FGF12: variants seen among roughly 807,000 people sequenced by gnomAD.
FGF12 encodes fibroblast growth factor 12.
In FGF12, 14 loss-of-function variants were observed where a neutral mutation model predicts 23.6. The ratio of observed to expected loss-of-function variants is 0.59; its 90% CI spans 0.39 to 0.93. The LOEUF (loss-of-function observed/expected upper bound fraction) is 0.93, where lower values mean the gene tolerates loss of function less well. FGF12 is among the 40% of genes least tolerant of loss of function. The pLI is 0.00. For missense variants in FGF12, 175 were observed against 217.8 expected (o/e 0.80, Z 1.24); for synonymous variants, 62 against 77.3 (o/e 0.80, Z 1.04).
chr3:192,641,496 C>T (rs1477559125), intron 2 of FGF12, among the ~76,000 whole-genome samples: 2 of 151,086 alleles, frequency 1.3e-5, no homozygotes, highest in East Asian at 1.9e-4. Context: ...CCTCTGTCTC[C>T]CGGGTTCCAG....
chr3:192,599,126 G>T (rs1713990738), intron 2 of FGF12, among the ~76,000 whole-genome samples: 1 of 152,010 alleles, frequency 6.6e-6, no homozygotes, highest in African/African-American at 2.4e-5. Flanking sequence ...GGGGGACTAG[G>T]AGATGGATAG....
intron 4 of FGF12, among the ~76,000 whole-genome samples, chr3:192,195,144 ACT>A (rs1295879895): frequency 6.6e-6 from 1 of 152,156 alleles, no homozygotes; most frequent in African/African-American, 2.4e-5. Flanking sequence ...GGCATCGTGA[ACT>A]CTCATTTTGA....
At chr3:192,596,142 T>TAATATAATATAATATAATATAAC in intron 2 of FGF12, among the ~76,000 whole-genome samples, 2 of 128,648 alleles carry the variant, frequency 1.6e-5, no homozygotes, top group Non-Finnish European at 3.5e-5. Flanking sequence ...TATAATATAA[T>TAATATAATATAATATAATATAAC]ATACTCTTAA....
intron 4 of FGF12, among the ~76,000 whole-genome samples, chr3:192,305,867 T>G (rs889614920): frequency 7.6e-6 from 1 of 132,270 alleles, no homozygotes; most frequent in Admixed American, 7.4e-5. Context: ...TTTTTTTTTT[T>G]TTTTTTTTTT....
chr3:192,456,847 C>G (rs1460435325), intron 2 of FGF12, among the ~76,000 whole-genome samples: 1 of 152,184 alleles, frequency 6.6e-6, no homozygotes, highest in Non-Finnish European at 1.5e-5. Context: ...GCTAGGCACT[C>G]TCTTCTAGAT....
intron 2 of FGF12, among the ~76,000 whole-genome samples, chr3:192,692,054 AGATGCCTT>A (rs1287790913): frequency 6.6e-6 from 1 of 151,832 alleles, no homozygotes; most frequent in East Asian, 1.9e-4. Context: ...GCCCAGGACC[AGATGCCTT>A]GATGGTTGAA....
intron 2 of FGF12, among the ~76,000 whole-genome samples, chr3:192,372,140 A>G (rs1719260886): frequency 6.6e-6 from 1 of 152,150 alleles, no homozygotes; most frequent in African/African-American, 2.4e-5. Flanking sequence ...TTTCTCACAG[A>G]CACATCTTTT....
At position 192,237,455 on chromosome 3, in the gene FGF12, CT is replaced by C. The variant is rs1719360600; in HGVS notation, c.229-66800del. Among the ~76,000 whole-genome samples, 5 of 152,312 alleles carry C rather than the reference CT, an allele frequency of 3.3e-5. No individual in the cohort carries two copies. The South Asian group carries it at 1.0e-3, about 32-fold the overall frequency. ...TCCAAGTTGCTTGTTCTCTTTCCAT[CT>C]CTTTCAGGAATGACAACGAGTTACA... On this transcript the variant is annotated intron_variant, in intron 4 of 5. Transcript: ENST00000445105.
chr3:192,256,744 G>A (rs1712421550), intron 4 of FGF12, among the ~76,000 whole-genome samples: 2 of 152,278 alleles, frequency 1.3e-5, no homozygotes, highest in East Asian at 3.9e-4. Context: ...ATAATTTCAA[G>A]TATGGTTTTA....
intron 2 of FGF12, among the ~76,000 whole-genome samples, chr3:192,689,618 T>A (rs1717878339): frequency 6.6e-6 from 1 of 151,390 alleles, no homozygotes; most frequent in African/African-American, 2.4e-5. Context: ...TATCATATAG[T>A]AAGAGTAGAA....
chr3:192,550,259 T>C (rs1725598995), intron 2 of FGF12, among the ~76,000 whole-genome samples: 1 of 151,232 alleles, frequency 6.6e-6, no homozygotes, highest in Admixed American at 6.6e-5. Flanking sequence ...TATATATATG[T>C]ATGTGCATAG....
intron 2 of FGF12, among the ~76,000 whole-genome samples, chr3:192,439,544 A>C (rs1445272851): frequency 6.6e-6 from 1 of 152,164 alleles, no homozygotes; most frequent in Non-Finnish European, 1.5e-5. Context: ...TGGCTTGGGG[A>C]TACAATGGTG....
chr3:192,516,549 C>G (rs1724674492), intron 2 of FGF12: 2 of 152,264 alleles, frequency 1.3e-5, no homozygotes, highest in Admixed American at 1.3e-4. Context: ...TGGAAGAAGT[C>G]TCTTCCTTTT....
chr3:192,716,468 C>A (rs543184483), intron 2 of FGF12, among the ~76,000 whole-genome samples: 63 of 152,296 alleles, frequency 4.1e-4, no homozygotes, highest in Non-Finnish European at 6.8e-4. Context: ...GTTTTTATTG[C>A]ATAATTTAAA....
chr3:192,572,677 A>T (rs1315022755), intron 2 of FGF12, among the ~76,000 whole-genome samples: 2 of 152,208 alleles, frequency 1.3e-5, no homozygotes, highest in African/African-American at 4.8e-5. Flanking sequence ...CAATGCTAAA[A>T]GTTTACCCCT....
At chr3:192,310,419 C>T (rs1158932859) in intron 4 of FGF12, among the ~76,000 whole-genome samples, 1 of 152,106 alleles carries the variant, frequency 6.6e-6, no homozygotes, top group East Asian at 1.9e-4. Flanking sequence ...CTTCAAACTT[C>T]AGTTAGAGCC....
chr3:192,234,841 A>G (rs1376062498), intron 4 of FGF12, among the ~76,000 whole-genome samples: 1 of 152,182 alleles, frequency 6.6e-6, no homozygotes, highest in Non-Finnish European at 1.5e-5. Context: ...GATGAATCGC[A>G]TTTATTGATA....
Position 192,577,075 on chromosome 3 carries a change from G to A in FGF12, c.13+150106C>T, listed in dbSNP as rs1179773819. ...TGTCGGCGGGTGGGGGACTAGGGGA[G>A]GGATAGCATTAGGAGAAATACCTAA... On this transcript the variant is annotated intron_variant, in intron 2 of 5. Transcript: ENST00000445105. 3.9e-5 allele frequency among the ~76,000 whole-genome samples: 6 copies of A among 152,224 alleles called. No homozygotes were observed. The East Asian group carries it at 7.7e-4, about 20-fold the overall frequency.
chr3:192,581,143 A>C (rs1713117954), intron 2 of FGF12, among the ~76,000 whole-genome samples: 1 of 152,200 alleles, frequency 6.6e-6, no homozygotes, highest in Non-Finnish European at 1.5e-5. Flanking sequence ...TGTTTCATAG[A>C]TAATTGTTAT....
Sources: allele counts gnomAD v4.1 joint callset (sites outside exome capture counted in the v4.1 genomes callset), GRCh38; gene constraint gnomAD v4.1.1; transcripts MANE v1.5; gene names NCBI Gene and HGNC (gene_info 2026-07-23, HGNC 2026-07-21).